MGST2: variants seen among roughly 807,000 people sequenced by gnomAD.
MGST2 encodes glutathione peroxidase MGST2.
MGST2 carries 9 observed loss-of-function variants against 16.6 expected under a neutral mutation model. The observed-to-expected ratio is 0.54, with a 90% CI of 0.33 to 0.95. MGST2 has a LOEUF of 0.95. Among genes scored for constraint, MGST2 ranks in the 40% least tolerant of loss-of-function variants. MGST2 has a pLI of 0.03. For missense variants in MGST2, 159 were observed against 175.1 expected, an observed-to-expected ratio of 0.91 and a Z score of 0.52; for synonymous variants, 79 against 68.0, an observed-to-expected ratio of 1.16 and a Z score of -0.79.
In MGST2 at chr4:139,739,250, G is replaced by A. The variant is rs116875650; in HGVS notation, c.*49-962G>A. 9.2e-5 allele frequency among the ~76,000 whole-genome samples: 14 copies of A among 152,332 alleles called. No individual in the cohort carries two copies. The East Asian group carries it at 2.7e-3, about 29-fold the overall frequency. On this transcript the variant is annotated intron_variant, in intron 5 of 5. Transcript: ENST00000616265. The stretch of plus-strand genomic sequence containing the variant: ...ACCCTCTGCTGAATGTTAAAGAAAG[G>A]GTTAAAGTTGGCAGTCCAGTGCTAA...
At chr4:139,729,305 G>A (rs1423059790) in intron 5 of MGST2, among the ~76,000 whole-genome samples, 7 of 152,196 alleles carry the variant, frequency 4.6e-5, no homozygotes, top group African/African-American at 1.7e-4. Flanking sequence ...CAGGATACAC[G>A]GTGGTGGATG....
intron 2 of MGST2, among the ~76,000 whole-genome samples, chr4:139,683,014 A>G (rs1446722276): frequency 6.6e-6 from 1 of 152,120 alleles, no homozygotes; most frequent in East Asian, 1.9e-4. Flanking sequence ...CTGTGGCTCC[A>G]CCCTGTTCCT....
chr4:139,681,818 C>T (rs2132847), intron 2 of MGST2, among the ~76,000 whole-genome samples: 37,503 of 151,990 alleles, frequency 0.25, 5,194 homozygotes, highest in African/African-American at 0.36. Context: ...GATCCATGAA[C>T]AAATCCCACA....
the MGST2 span, among the ~76,000 whole-genome samples, chr4:139,747,603 A>C: frequency 6.6e-6 from 1 of 152,024 alleles, no homozygotes; most frequent in Non-Finnish European, 1.5e-5. Flanking sequence ...CTGAGGCAGG[A>C]GAACTGCCTG....
intron 5 of MGST2, among the ~76,000 whole-genome samples, chr4:139,711,941 G>A (rs920727652): frequency 6.6e-6 from 1 of 152,136 alleles, no homozygotes; most frequent in African/African-American, 2.4e-5. Context: ...GGGTATAGAG[G>A]AGCTCAGTCA....
intron 5 of MGST2, among the ~76,000 whole-genome samples, chr4:139,713,007 C>T (rs899952705): frequency 2.6e-5 from 4 of 152,184 alleles, no homozygotes; most frequent in Non-Finnish European, 5.9e-5. Context: ...AAATTTTGTT[C>T]ACAGCAGTAT....
chr4:139,677,418 T>C (rs1731018301), intron 1 of MGST2, among the ~76,000 whole-genome samples: 1 of 152,014 alleles, frequency 6.6e-6, no homozygotes. Context: ...AGGTCATAGA[T>C]AGATAAGAGA....
At chr4:139,752,880 T>C in the MGST2 span, among the ~76,000 whole-genome samples, 1 of 152,196 alleles carries the variant, frequency 6.6e-6, no homozygotes, top group Non-Finnish European at 1.5e-5. Context: ...AGCTACTTCC[T>C]TGTGGTGACA....
chr4:139,688,436 G>A (rs1726368479), intron 2 of MGST2, among the ~76,000 whole-genome samples: 1 of 152,028 alleles, frequency 6.6e-6, no homozygotes, highest in African/African-American at 2.4e-5. Flanking sequence ...CCTGCCACAA[G>A]GCACAGGTAA....
At chr4:139,726,135 T>C (rs531300974) in intron 5 of MGST2, among the ~76,000 whole-genome samples, 3 of 152,310 alleles carry the variant, frequency 2.0e-5, no homozygotes, top group Non-Finnish European at 4.4e-5. Flanking sequence ...TCCTAACTTT[T>C]AACAACATAG....
chr4:139,741,858 A>AT (rs1351572666), downstream of MGST2, among the ~76,000 whole-genome samples: 3 of 152,160 alleles, frequency 2.0e-5, no homozygotes, highest in Non-Finnish European at 4.4e-5. Flanking sequence ...CCTATGCTGT[A>AT]TTTTTTAAAA....
Position 139,665,971 on chromosome 4 carries a change from A to G in MGST2, c.-49A>G. On this transcript the variant is annotated 5_prime_UTR_variant, in exon 1 of 5. Coordinates refer to ENST00000265498, the MANE Select transcript of MGST2 (RefSeq NM_002413.5). ...AGGAAGGTCAGCATTCAAAGTCAAGAAGCGCCATTTATCTTCCCGTGCGCT... is the reference window on the plus strand; with the variant it reads ...AGGAAGGTCAGCATTCAAAGTCAAGGAGCGCCATTTATCTTCCCGTGCGCT... 6.3e-7 allele frequency: 1 copy of G among 1,594,912 alleles called. No homozygotes were observed. The highest frequency in any genetic ancestry group is 1.3e-5 in the African/African-American group (1 of 74,600).
At chr4:139,668,227 A>C (rs1730473574) in intron 1 of MGST2, among the ~76,000 whole-genome samples, 1 of 152,204 alleles carries the variant, frequency 6.6e-6, no homozygotes, top group Non-Finnish European at 1.5e-5. Context: ...TGTGGAGGCC[A>C]AGGTTCTTAC....
chr4:139,687,047 C>T (rs921375014), intron 2 of MGST2, among the ~76,000 whole-genome samples: 1 of 152,170 alleles, frequency 6.6e-6, no homozygotes, highest in Admixed American at 6.6e-5. Context: ...AACTGAACAC[C>T]ATTTCCAAGT....
At chr4:139,690,302 T>A (rs1003236519) in intron 2 of MGST2, among the ~76,000 whole-genome samples, 2 of 151,788 alleles carry the variant, frequency 1.3e-5, no homozygotes, top group African/African-American at 4.8e-5. Flanking sequence ...TTAAATTTTT[T>A]TAAAAAAATT....
At chr4:139,742,155 T>A (rs1307233983), downstream of MGST2, among the ~76,000 whole-genome samples, 1 of 150,564 alleles carries the variant, frequency 6.6e-6, no homozygotes, top group South Asian at 2.1e-4. Context: ...TTTTCTTTTT[T>A]TTTTTTTTTT....
At chr4:139,671,634 TTTG>T (rs1381262207) in intron 1 of MGST2, among the ~76,000 whole-genome samples, 2 of 151,848 alleles carry the variant, frequency 1.3e-5, no homozygotes, top group East Asian at 1.9e-4. Context: ...CCGGCTAATT[TTTG>T]TTGTTGTTCT....
chr4:139,734,724 A>C (rs1202700670), intron 5 of MGST2, among the ~76,000 whole-genome samples: 1 of 152,258 alleles, frequency 6.6e-6, no homozygotes, highest in Non-Finnish European at 1.5e-5. Context: ...TTTATTTATA[A>C]ATCTGTGCGT....
chr4:139,669,031 G>T (rs1018789957), intron 1 of MGST2, among the ~76,000 whole-genome samples: 2 of 152,140 alleles, frequency 1.3e-5, no homozygotes, highest in Admixed American at 6.5e-5. Context: ...TTACAAAATG[G>T]TGTAGTTTGG....
Sources: gnomAD v4.1 joint callset for allele counts (sites outside exome capture counted in the v4.1 genomes callset) on GRCh38, gnomAD v4.1.1 for gene constraint, MANE v1.5 for transcripts, NCBI Gene and HGNC (gene_info 2026-07-23, HGNC 2026-07-21) for gene names.